Variants in LVRN observed in about 807,000 individuals in gnomAD.
The protein encoded by LVRN is laeverin.
A neutral mutation model predicts 111.4 loss-of-function variants in LVRN; 99 were observed. The ratio of observed to expected loss-of-function variants is 0.89; its 90% CI spans 0.76 to 1.05. The LOEUF (loss-of-function observed/expected upper bound fraction) is 1.05, where lower values mean the gene tolerates loss of function less well. LVRN is among the 50% of genes least tolerant of loss of function. The pLI is 0.00. For missense variants in LVRN, 1,414 were observed against 1,206.8 expected, an observed-to-expected ratio of 1.17 and a Z score of -2.54; for synonymous variants, 488 against 449.5, an observed-to-expected ratio of 1.09 and a Z score of -1.08.
At position 116,012,374 on chromosome 5, in the gene LVRN, A is replaced by G. The variant is rs902034846; in HGVS notation, c.2248A>G (p.Arg750Gly). The change falls in exon 15 of 20, where the codon AGG becomes GGG. Residue 750 changes from arginine to glycine, a missense_variant and splice_region_variant. Transcript: ENST00000357872. ...AGTGTATTTTCTTTATTGTTTATAGAGGTACCTATTAAAGAGACTTAATTT... is the reference window on the plus strand; with the variant it reads ...AGTGTATTTTCTTTATTGTTTATAGGGGTACCTATTAAAGAGACTTAATTT... ...NIYDIYSLLK[R>G]YLLKRLNLIW... 1.4e-6 allele frequency: 2 copies of G among 1,414,832 alleles called. No homozygotes were observed. The highest frequency in any genetic ancestry group is 1.8e-4 in the Middle Eastern group (1 of 5,612). 87.6% of individuals were successfully genotyped at this position (1,414,832 alleles called of 1,614,324 possible).
chr5:115,997,952 C>G (rs531492152), intron 6 of LVRN, among the ~76,000 whole-genome samples: 74 of 152,004 alleles, frequency 4.9e-4, no homozygotes, highest in African/African-American at 1.7e-3. Flanking sequence ...AGTGATATCA[C>G]GAAGATTACA....
rs147240101 is a variant in LVRN at position 115,966,262 on chromosome 5, G to A, written c.695+2950G>A. Among the ~76,000 whole-genome samples, 29 of 152,102 alleles carry A rather than the reference G, an allele frequency of 1.9e-4. No individual in the cohort carries two copies. The East Asian group carries it at 4.2e-3, about 22-fold the overall frequency. On this transcript the variant is annotated intron_variant, in intron 1 of 19. Transcript: ENST00000357872. ...TCTAACCCCTGACAACCACTAATCC[G>A]TTCCATCTTTGTAATTTTGTCATTT...
chr5:116,001,078 C>G lies in LVRN; in HGVS notation c.1659C>G (p.Asp553Glu). ...LWRHFQMAID[D>E]QSTVILPATI... ...ATTTTTTAAAACAGGCCATAGATGA[C>G]CAGAGTACAGTTATTTTGCCAGCAA... Residue 553 changes from aspartate to glutamate, a missense_variant, in exon 10 of 20, where the codon GAC becomes GAG. Asp to Glu is a conservative substitution (Grantham distance 45). Transcript: ENST00000357872. 6.2e-7 allele frequency: 1 copy of G among 1,606,368 alleles called. No individual in the cohort carries two copies. Among genetic ancestry groups the G allele is most frequent in the East Asian group, 2.2e-5 (1 of 44,784 alleles).
intron 1 of LVRN, among the ~76,000 whole-genome samples, chr5:115,966,856 T>C (rs970931794): frequency 6.6e-6 from 1 of 152,252 alleles, no homozygotes; most frequent in African/African-American, 2.4e-5. Flanking sequence ...TGTATGGTAA[T>C]ATCTCATTGT....
intron 1 of LVRN, among the ~76,000 whole-genome samples, chr5:115,981,032 C>T (rs1333390350): frequency 6.6e-6 from 1 of 152,150 alleles, no homozygotes; most frequent in Non-Finnish European, 1.5e-5. Flanking sequence ...CAAAGTTACA[C>T]AACAGTCTTT....
At chr5:116,015,127 A>G (rs1561569166) in intron 16 of LVRN, 125 bp from the exon 17 acceptor site, 3 of 654,002 alleles carry the variant, frequency 4.6e-6, no homozygotes, top group East Asian at 6.4e-5. Context: ...GCCTCTCTAG[A>G]TTCCTACTTT....
chr5:116,014,475 C>G lies in LVRN; in HGVS notation c.2398C>G (p.Leu800Val), dbSNP rs762245311. Residue 800 changes from leucine (L) to valine (V), a missense_variant, in exon 16 of 20, where the codon CTT becomes GTT. By Grantham distance (32) the Leu-to-Val change is conservative. Transcript: ENST00000357872. ...GTGTTGGTTGGGCCTTGAAGACTGC[C>G]TTCAGCTGTCAAAAGAACTTTTCGC... ...TACWLGLEDCLQLSKELFAKW... is the reference protein window; with the variant it reads ...TACWLGLEDCVQLSKELFAKW... 1.2e-6 allele frequency: 2 copies of G among 1,613,582 alleles called. No individual in the cohort carries two copies. Among genetic ancestry groups the G allele is most frequent in the Non-Finnish European group, 8.5e-7 (1 of 1,179,658 alleles).
In LVRN at chr5:115,962,591, G is replaced by A. The variant is rs1014344903; in HGVS notation, c.-27G>A. The A allele has an allele frequency of 1.3e-6, 2 of 1,577,276 alleles. No homozygotes were observed. Among genetic ancestry groups the A allele is most frequent in the Non-Finnish European group, 1.7e-6 (2 of 1,164,430 alleles). On this transcript the variant is annotated 5_prime_UTR_variant, in exon 1 of 20. Coordinates refer to ENST00000357872, the MANE Select transcript of LVRN (RefSeq NM_173800.5). ...CAGCTGCCACAGTCTCTGAGCTCCA[G>A]CCTCGCGCCTGAACCCGGTCCCTGC...
chr5:115,992,354 A>G, intron 5 of LVRN, 77 bp downstream of exon 5: 1 of 1,495,040 alleles, frequency 6.7e-7, no homozygotes, highest in Non-Finnish European at 9.3e-7. Context: ...TAAAAACCCC[A>G]GTAAGACCCT....
chr5:115,991,745 C>T (rs36060811), intron 4 of LVRN, among the ~76,000 whole-genome samples: 38,156 of 152,054 alleles, frequency 0.25, 5,058 homozygotes, highest in Non-Finnish European at 0.27. Flanking sequence ...ATTTAAAATT[C>T]TCTAATGACA....
Position 115,999,899 on chromosome 5 carries a change from C to A in LVRN, c.1512C>A (p.Ser504Arg). The A allele has an allele frequency of 6.2e-7, 1 of 1,607,546 alleles. No homozygotes were observed. Among genetic ancestry groups the A allele is most frequent in the Non-Finnish European group, 8.5e-7 (1 of 1,178,408 alleles). ...IQELFDIFTYSKGASMARMLS... is the reference protein window; with the variant it reads ...IQELFDIFTYRKGASMARMLS... The stretch of plus-strand genomic sequence containing the variant: ...AACTCTTTGACATATTTACTTACAG[C>A]AAGGTAAAAGCAGTTAGAAATTTCC... The change falls in exon 7 of 20, where the codon AGC (serine) becomes AGA (arginine). Residue 504 changes from serine (S) to arginine (R), a missense_variant. Transcript: ENST00000357872.
At chr5:116,001,360 A>G in intron 10 of LVRN, 121 bp downstream of exon 10, 1 of 1,164,638 alleles carries the variant, frequency 8.6e-7, no homozygotes, top group Non-Finnish European at 1.2e-6. Flanking sequence ...CTGCAATGTG[A>G]CTGTGTACTA....
At position 115,999,884 on chromosome 5, in the gene LVRN, C is replaced by T. The variant is rs772130000; in HGVS notation, c.1497C>T (p.Asp499=). ...FKTSEIQELF[D]IFTYSKGASM... Reference sequence around the variant, plus strand: ...CAAGTGAAATACAGGAACTCTTTGACATATTTACTTACAGCAAGGTAAAAG... The same window carrying T: ...CAAGTGAAATACAGGAACTCTTTGATATATTTACTTACAGCAAGGTAAAAG... The change falls in exon 7 of 20, where the codon GAC becomes GAT. Residue 499 remains aspartate (D), a synonymous_variant. Transcript: ENST00000357872. 14 of 1,610,906 alleles carry T rather than the reference C, an allele frequency of 8.7e-6. No homozygotes were observed. The East Asian group carries it at 2.5e-4, about 28-fold the overall frequency.
chr5:115,998,335 C>A (rs1377351937), intron 6 of LVRN, among the ~76,000 whole-genome samples: 3 of 151,958 alleles, frequency 2.0e-5, no homozygotes, highest in Non-Finnish European at 2.9e-5. Flanking sequence ...CTTTATAATG[C>A]AGCAGCCATT....
At chr5:115,996,289 G>C (rs1225797412) in intron 6 of LVRN, among the ~76,000 whole-genome samples, 1 of 152,128 alleles carries the variant, frequency 6.6e-6, no homozygotes, top group Non-Finnish European at 1.5e-5. Flanking sequence ...TCAATATCTT[G>C]CAAAACTTGC....
At chr5:115,998,853 T>TA (rs1359118784) in intron 6 of LVRN, among the ~76,000 whole-genome samples, 1 of 152,256 alleles carries the variant, frequency 6.6e-6, no homozygotes, top group Non-Finnish European at 1.5e-5. Flanking sequence ...CAGAGTTTGA[T>TA]AATGGCCTAA....
chr5:116,025,929 C>A, intron 19 of LVRN, 49 bp from the exon 20 acceptor site: 1 of 1,601,642 alleles, frequency 6.2e-7, no homozygotes, highest in Admixed American at 1.7e-5. Flanking sequence ...TTACTTTGTC[C>A]AAATGGGAAG....
intron 1 of LVRN, among the ~76,000 whole-genome samples, chr5:115,972,982 G>A (rs566671879): frequency 6.6e-6 from 1 of 151,516 alleles, no homozygotes; most frequent in South Asian, 2.1e-4. Context: ...AGGCTGGAGT[G>A]CAGTGGTGCA....
intron 1 of LVRN, chr5:115,975,650 AC>A (rs1005918382): frequency 7.1e-5 from 11 of 154,856 alleles, no homozygotes; most frequent in African/African-American, 2.7e-4. Flanking sequence ...GTTTTTGAAA[AC>A]CTGTCTTTTT....
Sources: gnomAD v4.1 joint callset for allele counts (sites outside exome capture counted in the v4.1 genomes callset) on GRCh38, gnomAD v4.1.1 for gene constraint, MANE v1.5 for transcripts, NCBI Gene and HGNC (gene_info 2026-07-23, HGNC 2026-07-21) for gene names.